NTNG1: variants seen among roughly 807,000 people sequenced by gnomAD.
The protein encoded by NTNG1 is netrin-G1.
NTNG1 carries 16 observed loss-of-function variants against 54.0 expected under a neutral mutation model. The ratio of observed to expected loss-of-function variants is 0.30; its 90% CI spans 0.20 to 0.45. NTNG1 has a LOEUF of 0.45. Among genes scored for constraint, NTNG1 ranks in the 20% least tolerant of loss-of-function variants. The pLI is 1.00. For synonymous variants in NTNG1, 255 were observed against 263.1 expected, an observed-to-expected ratio of 0.97 and a Z score of 0.30; for missense variants, 530 against 678.7, an observed-to-expected ratio of 0.78 and a Z score of 2.43.
intron 2 of NTNG1, among the ~76,000 whole-genome samples, chr1:107,208,897 G>T (rs140506421): frequency 9.6e-4 from 146 of 151,962 alleles, no homozygotes; most frequent in African/African-American, 3.4e-3. Context: ...TGCCCTCAAA[G>T]CCCTGACCAC....
At chr1:107,444,937 T>C (rs1428228465) in intron 7 of NTNG1, among the ~76,000 whole-genome samples, 2 of 152,128 alleles carry the variant, frequency 1.3e-5, no homozygotes, top group Admixed American at 6.6e-5. Flanking sequence ...CTAATGAGTG[T>C]ATGTGTGAGT....
chr1:107,449,354 C>T (rs1009582499), intron 7 of NTNG1, among the ~76,000 whole-genome samples: 4 of 151,888 alleles, frequency 2.6e-5, no homozygotes, highest in African/African-American at 4.8e-5. Context: ...GGGCTCCAGG[C>T]ATCTGTATTT....
chr1:107,159,109 G>A (rs1327027958), intron 2 of NTNG1, among the ~76,000 whole-genome samples: 1 of 152,186 alleles, frequency 6.6e-6, no homozygotes, highest in Non-Finnish European at 1.5e-5. Context: ...AATGTGTGTG[G>A]TCTGCATAAC....
At chr1:107,380,612 ATTG>A (rs1368344416) in intron 3 of NTNG1, among the ~76,000 whole-genome samples, 1 of 152,224 alleles carries the variant, frequency 6.6e-6, no homozygotes, top group African/African-American at 2.4e-5. Context: ...CTAATTTACT[ATTG>A]TTATTATTAT....
intron 2 of NTNG1, among the ~76,000 whole-genome samples, chr1:107,227,165 A>G (rs1276859789): frequency 1.3e-5 from 2 of 152,068 alleles, no homozygotes; most frequent in African/African-American, 2.4e-5. Context: ...CTGTTTGCCT[A>G]CGTTTCCTCA....
intron 2 of NTNG1, among the ~76,000 whole-genome samples, chr1:107,170,339 A>G (rs1656128532): frequency 6.6e-6 from 1 of 152,182 alleles, no homozygotes; most frequent in Admixed American, 6.6e-5. Context: ...GGCCACATCA[A>G]TGTCATGTAT....
Position 107,243,546 on chromosome 1 carries a change from G to T in NTNG1, c.247-80736G>T, listed in dbSNP as rs187705840. Among the ~76,000 whole-genome samples the T allele has an allele frequency of 3.9e-4, 60 of 152,126 alleles. No homozygotes were observed. In the East Asian group the frequency reaches 9.7e-3, roughly 25 times the overall value. On this transcript the variant is annotated intron_variant, in intron 2 of 7. Coordinates refer to ENST00000370068, the MANE Select transcript of NTNG1 (RefSeq NM_001113226.3). ...AATTGTATAAGTTGGTTGTGCTGGG[G>T]TTTTTTTTGTTTTTGTGTTTCGTTT...
chr1:107,229,530 T>C (rs1178309657), intron 2 of NTNG1, among the ~76,000 whole-genome samples: 1 of 151,766 alleles, frequency 6.6e-6, no homozygotes, highest in Non-Finnish European at 1.5e-5. Context: ...TTTTCATTTG[T>C]TTTTAAATGA....
Position 107,217,638 on chromosome 1 carries a change from T to C in NTNG1, c.246+68799T>C, listed in dbSNP as rs1570882139. On this transcript the variant is annotated intron_variant, in intron 2 of 7. Transcript: ENST00000370068. ...TGACCTTGCTATATCCCAGAGGTTT[T>C]GATAGGTTATATCACTACTACTCAT... Among the ~76,000 whole-genome samples the C allele has an allele frequency of 1.3e-5, 2 of 152,222 alleles. 1 individual carries two copies. Among genetic ancestry groups the C allele is most frequent in the East Asian group, 3.8e-4 (2 of 5,196 alleles).
At chr1:107,415,049 T>C (rs961412697) in intron 5 of NTNG1, among the ~76,000 whole-genome samples, 1 of 152,178 alleles carries the variant, frequency 6.6e-6, no homozygotes, top group Non-Finnish European at 1.5e-5. Flanking sequence ...GTGGAATAAA[T>C]GATTTTGGTC....
chr1:107,401,897 A>C (rs927701575), intron 4 of NTNG1, among the ~76,000 whole-genome samples: 2 of 152,046 alleles, frequency 1.3e-5, no homozygotes. Flanking sequence ...CAGCCTGATT[A>C]TTGACGTCAT....
intron 3 of NTNG1, among the ~76,000 whole-genome samples, chr1:107,340,166 A>G (rs1668818031): frequency 6.6e-6 from 1 of 152,128 alleles, no homozygotes; most frequent in Non-Finnish European, 1.5e-5. Context: ...ATGGTTGATT[A>G]TCTAATGGTT....
chr1:107,475,042 T>C (rs1028963543), intron 7 of NTNG1, among the ~76,000 whole-genome samples: 7 of 152,244 alleles, frequency 4.6e-5, no homozygotes, highest in Non-Finnish European at 1.0e-4. Context: ...GATTTGTACT[T>C]GGAGCTCTAC....
At chr1:107,182,377 A>G (rs921194404) in intron 2 of NTNG1, among the ~76,000 whole-genome samples, 28 of 152,136 alleles carry the variant, frequency 1.8e-4, no homozygotes, top group African/African-American at 6.5e-4. Context: ...AAGCCAAGTG[A>G]AGAAATTTTG....
intron 7 of NTNG1, among the ~76,000 whole-genome samples, chr1:107,449,417 T>G (rs1676489455): frequency 6.6e-6 from 1 of 151,948 alleles, no homozygotes; most frequent in South Asian, 2.1e-4. Flanking sequence ...GGACTACATA[T>G]TTAGCAATTA....
At chr1:107,145,870 A>C (rs1654068715) in intron 1 of NTNG1, among the ~76,000 whole-genome samples, 1 of 152,078 alleles carries the variant, frequency 6.6e-6, no homozygotes, top group Non-Finnish European at 1.5e-5. Flanking sequence ...GGTATACTTT[A>C]ATGAGAATTC....
At chr1:107,453,107 G>T (rs933289280) in intron 7 of NTNG1, among the ~76,000 whole-genome samples, 2 of 152,082 alleles carry the variant, frequency 1.3e-5, no homozygotes, top group African/African-American at 4.8e-5. Flanking sequence ...GAGACTGTTC[G>T]GTGTCTCAAC....
chr1:107,149,025 G>C (rs750269277), intron 2 of NTNG1, among the ~76,000 whole-genome samples, 186 bp downstream of exon 2: 1 of 152,080 alleles, frequency 6.6e-6, no homozygotes, highest in Non-Finnish European at 1.5e-5. Context: ...TTTGTGCAGG[G>C]TGATTGATGC....
At chr1:107,199,564 A>G (rs1487426533) in intron 2 of NTNG1, among the ~76,000 whole-genome samples, 1 of 151,964 alleles carries the variant, frequency 6.6e-6, no homozygotes, top group Non-Finnish European at 1.5e-5. Flanking sequence ...CAAATGTTTA[A>G]TGAATGTCTT....
Sources: gnomAD v4.1 joint callset for allele counts (sites outside exome capture counted in the v4.1 genomes callset) on GRCh38, gnomAD v4.1.1 for gene constraint, MANE v1.5 for transcripts, NCBI Gene and HGNC (gene_info 2026-07-23, HGNC 2026-07-21) for gene names.